The following ANKRD18A variants were observed in gnomAD, a reference collection of about 807,000 sequenced individuals.
The protein encoded by ANKRD18A is ankyrin repeat domain-containing protein 18A.
ANKRD18A carries 72 observed loss-of-function variants against 110.6 expected under a neutral mutation model. The observed-to-expected ratio is 0.65, with a 90% CI of 0.54 to 0.79. The LOEUF is 0.79. Among genes scored for constraint, ANKRD18A ranks in the 30% least tolerant of loss-of-function variants. ANKRD18A has a pLI of 0.00. For synonymous variants in ANKRD18A, 305 were observed against 410.3 expected (o/e 0.74, Z 3.10); for missense variants, 934 against 1,163.3 (o/e 0.80, Z 2.87).
At chr9:38,608,769 A>G (rs1455190548) in intron 5 of ANKRD18A, among the ~76,000 whole-genome samples, 1 of 149,560 alleles carries the variant, frequency 6.7e-6, no homozygotes, top group Non-Finnish European at 1.5e-5. Context: ...TCACATAAAT[A>G]TAAGAGATTT....
intron 10 of ANKRD18A, among the ~76,000 whole-genome samples, chr9:38,589,627 G>C (rs1320225974): frequency 6.6e-6 from 1 of 152,230 alleles, no homozygotes; most frequent in East Asian, 1.9e-4. Context: ...ACTCGATAAA[G>C]ATATCTTCCT....
intron 12 of ANKRD18A, among the ~76,000 whole-genome samples, chr9:38,582,752 A>G (rs1459877821): frequency 6.6e-6 from 1 of 152,258 alleles, no homozygotes; most frequent in East Asian, 1.9e-4. Context: ...AAACATTGGC[A>G]TAAATCTTTG....
At chr9:38,574,583 C>T (rs1823797364) in intron 15 of ANKRD18A, among the ~76,000 whole-genome samples, 1 of 151,990 alleles carries the variant, frequency 6.6e-6, no homozygotes, top group South Asian at 2.1e-4. Context: ...TCCCAAAATG[C>T]TGGGATTACA....
chr9:38,572,275 A>G, intron 15 of ANKRD18A: 2 of 394,662 alleles, frequency 5.1e-6, no homozygotes, highest in Non-Finnish European at 9.2e-6. Context: ...TCATTCATGT[A>G]CTCAACAGCC....
At chr9:38,588,214 CCAGCAGCT>C (rs1166836992) in intron 11 of ANKRD18A, among the ~76,000 whole-genome samples, 1 of 152,122 alleles carries the variant, frequency 6.6e-6, no homozygotes, top group Non-Finnish European at 1.5e-5. Flanking sequence ...CAATCTCGCC[CCAGCAGCT>C]CAGCTGACTT....
chr9:38,604,412 A>G (rs1825264017), intron 6 of ANKRD18A: 1 of 148,778 alleles, frequency 6.7e-6, no homozygotes, highest in African/African-American at 2.5e-5. Context: ...GTCTTGTGAG[A>G]ACATGGTGTT....
chr9:38,582,024 C>G (rs1824185775), intron 12 of ANKRD18A, among the ~76,000 whole-genome samples: 1 of 152,150 alleles, frequency 6.6e-6, no homozygotes, highest in Admixed American at 6.5e-5. Context: ...CACAAGAGAA[C>G]AAGATGCCAG....
At chr9:38,600,137 G>A (rs1180329744) in intron 8 of ANKRD18A, among the ~76,000 whole-genome samples, 1 of 152,130 alleles carries the variant, frequency 6.6e-6, no homozygotes, top group African/African-American at 2.4e-5. Flanking sequence ...TTAATATAGG[G>A]GAAAAACGTG....
At position 38,571,747 on chromosome 9, in the gene ANKRD18A, T is replaced by C. The variant is rs1185664249; in HGVS notation, c.*298A>G. 1.3e-5 allele frequency: 14 copies of C among 1,073,886 alleles called. No homozygotes were observed. The highest frequency in any genetic ancestry group is 4.3e-4 in the Middle Eastern group (1 of 2,326). The allele number at this position is 1,073,886 out of a possible 1,614,324, so 66.5% of individuals were successfully genotyped here. On this transcript the variant is annotated 3_prime_UTR_variant, in exon 16 of 16. Transcript: ENST00000399703. Reference sequence around the variant, plus strand: ...TTCAGGCAATTTGAGTAGGCCAAACTCAATAACGCTGGTGTTCATTTGCAA... The same window carrying C: ...TTCAGGCAATTTGAGTAGGCCAAACCCAATAACGCTGGTGTTCATTTGCAA...
At chr9:38,587,103 A>G (rs1372808776) in intron 11 of ANKRD18A, among the ~76,000 whole-genome samples, 1 of 152,238 alleles carries the variant, frequency 6.6e-6, no homozygotes, top group Non-Finnish European at 1.5e-5. Context: ...ATGTAGAAAA[A>G]GAGAAGAAAA....
intron 15 of ANKRD18A, among the ~76,000 whole-genome samples, chr9:38,574,489 G>GTC (rs1823792493): frequency 1.3e-5 from 2 of 151,982 alleles, no homozygotes; most frequent in South Asian, 4.2e-4. Context: ...GCTAATTTTT[G>GTC]TAGTTTTAGT....
At chr9:38,608,574 A>ATAT (rs897553601) in intron 5 of ANKRD18A, among the ~76,000 whole-genome samples, 4 of 146,512 alleles carry the variant, frequency 2.7e-5, no homozygotes, top group African/African-American at 1.0e-4. Context: ...ACTATATAAT[A>ATAT]ATAGATTATA....
intron 15 of ANKRD18A, chr9:38,572,380 C>T (rs1265275809): frequency 4.9e-6 from 1 of 202,644 alleles, no homozygotes; most frequent in Middle Eastern, 1.9e-3. Flanking sequence ...AAAAGACCGG[C>T]AGGTAATGTC....
At chr9:38,592,457 A>G (rs1824694237) in intron 10 of ANKRD18A, among the ~76,000 whole-genome samples, 1 of 152,236 alleles carries the variant, frequency 6.6e-6, no homozygotes, top group African/African-American at 2.4e-5. Flanking sequence ...GAAAGCTTCA[A>G]GAAGAGGAAA....
rs1826024258 is a variant in ANKRD18A, at chr9:38,620,117, T to C, written c.169A>G (p.Arg57Gly). 5.1e-6 allele frequency: 8 copies of C among 1,564,358 alleles called. No individual in the cohort carries two copies. Among genetic ancestry groups the C allele is most frequent in the Non-Finnish European group, 6.1e-6 (7 of 1,154,458 alleles). ...AAEVERCLTR[R>G]FRDLDARDRK... ...TCGCGGGCGTCCAAGTCCCGGAACC[T>C]GCGCGTCAGGCAGCGCTCCACCTCC... Residue 57 changes from arginine (R) to glycine (G), a missense_variant, in exon 1 of 16, where the codon AGG (arginine) becomes GGG (glycine). Around this residue, in one of 4 missense-constraint regions of ANKRD18A, gnomAD observed 630 missense variants for 797.5 expected, o/e 0.79. Coordinates refer to ENST00000399703, the MANE Select transcript of ANKRD18A (RefSeq NM_147195.4).
At chr9:38,605,567 G>A (rs554930950) in intron 6 of ANKRD18A, among the ~76,000 whole-genome samples, 1 of 152,286 alleles carries the variant, frequency 6.6e-6, no homozygotes, top group Non-Finnish European at 1.5e-5. Context: ...GGAGCCTAGA[G>A]TTTGGCTATT....
At chr9:38,588,773 T>C (rs2118734216) in intron 10 of ANKRD18A, 110 bp from the exon 11 acceptor site, 2 of 801,020 alleles carry the variant, frequency 2.5e-6, no homozygotes, top group Non-Finnish European at 3.3e-6. Flanking sequence ...GGCGGTTGTA[T>C]AAAGTGCATT....
At chr9:38,603,480 G>GC in intron 6 of ANKRD18A, among the ~76,000 whole-genome samples, 1 of 152,154 alleles carries the variant, frequency 6.6e-6, no homozygotes, top group East Asian at 1.9e-4. Flanking sequence ...CAGACCACAG[G>GC]CCAAATCCTG....
chr9:38,595,508 T>A lies in ANKRD18A; in HGVS notation c.1832A>T (p.Glu611Val). Reference sequence around the variant, plus strand: ...TACTTCTCTTTCTGCTTTTTCTTTTTCACACTGAAGCAGTTTTTCTTTTAA... The same window carrying A: ...TACTTCTCTTTCTGCTTTTTCTTTTACACACTGAAGCAGTTTTTCTTTTAA... The part of the protein sequence containing the change: ...NYLKEKLLQC[E>V]KEKAEREVIV... Residue 611 changes from glutamate (E) to valine (V), a missense_variant, in exon 9 of 16, where the codon GAA (glutamate) becomes GTA (valine). Physicochemically the swap from Glu to Val is moderately radical, Grantham distance 121 (BLOSUM62 -2). Coordinates refer to ENST00000399703, the MANE Select transcript of ANKRD18A (RefSeq NM_147195.4). The A allele has an allele frequency of 6.7e-7, 1 of 1,486,510 alleles. No individual in the cohort carries two copies. The highest frequency in any genetic ancestry group is 8.9e-7 in the Non-Finnish European group (1 of 1,120,820). The allele number at this position is 1,486,510 out of a possible 1,614,324, so 92.1% of individuals were successfully genotyped here.
Sources: gnomAD v4.1 joint callset for allele counts (sites outside exome capture counted in the v4.1 genomes callset) on GRCh38, gnomAD v4.1.1 for gene constraint, gnomAD v4.1.1 regional missense constraint, MANE v1.5 for transcripts, NCBI Gene and HGNC (gene_info 2026-07-23, HGNC 2026-07-21) for gene names.